RBFOX1: variants seen among roughly 807,000 people sequenced by gnomAD.
RBFOX1 encodes the protein RNA binding fox-1 homolog 1, also known as RNA binding protein fox-1 homolog 1.
Under a neutral mutation model 57.7 loss-of-function variants are expected in RBFOX1, and 8 were observed. That is an observed-to-expected ratio of 0.14 (90% CI 0.08 to 0.25). RBFOX1 has a LOEUF of 0.25. RBFOX1 is among the 10% of genes least tolerant of loss of function. The pLI is 1.00. For missense variants in RBFOX1, 611 were observed against 548.5 expected (o/e 1.11, Z -1.14); for synonymous variants, 326 against 222.4 (o/e 1.47, Z -4.15).
chr16:5,281,851 G>T (rs2063279138), intron 1 of RBFOX1, among the ~76,000 whole-genome samples: 1 of 152,120 alleles, frequency 6.6e-6, no homozygotes, highest in Non-Finnish European at 1.5e-5. Flanking sequence ...GATGTTGTTG[G>T]ATCATTTTTT....
At chr16:7,660,426 G>T (rs1356974821) in intron 12 of RBFOX1, among the ~76,000 whole-genome samples, 3 of 152,050 alleles carry the variant, frequency 2.0e-5, no homozygotes, top group African/African-American at 7.2e-5. Flanking sequence ...ATCTATAGCT[G>T]CACCGCAGAC....
chr16:6,934,414 G>T (rs957983674), intron 3 of RBFOX1, among the ~76,000 whole-genome samples: 1 of 152,098 alleles, frequency 6.6e-6, no homozygotes, highest in Non-Finnish European at 1.5e-5. Flanking sequence ...TTGAAAGGGA[G>T]ACCTGCCTTT....
chr16:5,278,173 C>G (rs2063187489), intron 1 of RBFOX1, among the ~76,000 whole-genome samples: 1 of 152,052 alleles, frequency 6.6e-6, no homozygotes, highest in East Asian at 1.9e-4. Flanking sequence ...ATTTGTTGTG[C>G]TTTGTCTTTT....
intron 2 of RBFOX1, among the ~76,000 whole-genome samples, chr16:6,476,852 C>T (rs1387074479): frequency 2.0e-5 from 3 of 152,204 alleles, no homozygotes; most frequent in Non-Finnish European, 4.4e-5. Flanking sequence ...TCAAACTTTG[C>T]TACTGCTTAA....
intron 1 of RBFOX1, among the ~76,000 whole-genome samples, chr16:6,099,623 C>G (rs1397107008): frequency 6.6e-6 from 1 of 152,164 alleles, no homozygotes; most frequent in Non-Finnish European, 1.5e-5. Context: ...GGCTGTACAA[C>G]AAGCTGTCAC....
At chr16:7,026,867 T>C (rs1429499013) in intron 3 of RBFOX1, among the ~76,000 whole-genome samples, 3 of 152,236 alleles carry the variant, frequency 2.0e-5, no homozygotes, top group African/African-American at 7.2e-5. Flanking sequence ...ATCTCCTAGT[T>C]GCAAGGGAGG....
chr16:6,777,200 G>C (rs891411066), intron 3 of RBFOX1, among the ~76,000 whole-genome samples: 14 of 152,126 alleles, frequency 9.2e-5, no homozygotes, highest in African/African-American at 3.4e-4. Flanking sequence ...GTGATAATAT[G>C]ATCTAGTACT....
intron 5 of RBFOX1, among the ~76,000 whole-genome samples, chr16:7,524,646 C>T (rs1055042338): frequency 1.3e-5 from 2 of 152,170 alleles, no homozygotes; most frequent in South Asian, 4.1e-4. Flanking sequence ...ATGTGGGTGC[C>T]CCAGCTAGGT....
chr16:5,842,079 A>T (rs1329607545), intron 3 of RBFOX1, among the ~76,000 whole-genome samples: 1 of 152,088 alleles, frequency 6.6e-6, no homozygotes, highest in East Asian at 1.9e-4. Context: ...GCCCTGAATC[A>T]TGGATTTTGT....
At chr16:7,661,569 G>T (rs2067736557) in intron 12 of RBFOX1, among the ~76,000 whole-genome samples, 1 of 152,132 alleles carries the variant, frequency 6.6e-6, no homozygotes, top group Non-Finnish European at 1.5e-5. Flanking sequence ...CACCTCTGTT[G>T]CTGTCTCCTG....
intron 1 of RBFOX1, among the ~76,000 whole-genome samples, chr16:6,277,267 C>T (rs2075897972): frequency 1.3e-5 from 2 of 151,916 alleles, no homozygotes; most frequent in African/African-American, 4.8e-5. Flanking sequence ...TTGAGACCAG[C>T]CTGGGCAACA....
intron 3 of RBFOX1, among the ~76,000 whole-genome samples, chr16:5,824,788 A>G (rs935733248): frequency 6.6e-5 from 10 of 152,196 alleles, no homozygotes; most frequent in African/African-American, 1.7e-4. Context: ...CAGAGGTCTT[A>G]GCAACTCCAG....
chr16:7,550,275 G>A (rs2085934674), intron 5 of RBFOX1, among the ~76,000 whole-genome samples: 1 of 151,484 alleles, frequency 6.6e-6, no homozygotes, highest in Non-Finnish European at 1.5e-5. Flanking sequence ...GCTGGGCTGG[G>A]AAATACCCTT....
Position 5,946,292 on chromosome 16 carries a change from C to T in RBFOX1, c.351+78957C>T, listed in dbSNP as rs2059398609. Among the ~76,000 whole-genome samples, 1 of 152,184 alleles carries T rather than the reference C, an allele frequency of 6.6e-6. No individual in the cohort carries two copies. The highest frequency in any genetic ancestry group is 6.5e-5 in the Admixed American group (1 of 15,284). ...AAAGGGACACAATCATAGGACCTCC[C>T]TCATAGGGTTATTTGAGGCTCAGAC... is the stretch of plus-strand genomic sequence containing the variant. On this transcript the variant is annotated intron_variant, in intron 4 of 19. Coordinates refer to the RBFOX1 transcript ENST00000641259. The surrounding 1 kb of genome is among the most constrained non-coding windows in gnomAD (Gnocchi z 4.6).
At chr16:7,295,116 C>T (rs766751997) in intron 4 of RBFOX1, among the ~76,000 whole-genome samples, 1 of 152,154 alleles carries the variant, frequency 6.6e-6, no homozygotes, top group Non-Finnish European at 1.5e-5. Flanking sequence ...GTGTGAGATA[C>T]AGTTGGTGAA....
intron 4 of RBFOX1, among the ~76,000 whole-genome samples, chr16:7,422,432 T>C (rs1180400504): frequency 6.6e-6 from 1 of 152,178 alleles, no homozygotes; most frequent in Admixed American, 6.5e-5. Context: ...ACCTGCATTA[T>C]TTCGGTTGCC....
chr16:6,753,903 A>C (rs1054445370), intron 3 of RBFOX1, among the ~76,000 whole-genome samples: 4 of 152,030 alleles, frequency 2.6e-5, no homozygotes, highest in African/African-American at 9.7e-5. Context: ...AATCATTCCC[A>C]CCAAGCTGTT....
At position 5,593,879 on chromosome 16, in the gene RBFOX1, G is replaced by A. The variant is rs370323741; in HGVS notation, c.259-5023G>A. On this transcript the variant is annotated intron_variant, in intron 2 of 2. Coordinates refer to the RBFOX1 transcript ENST00000585867. ...AGAACCCTCGTTTGGGGTCTGGATC[G>A]GGACCCCTTTCCTGTAACAGAGGTA... Among the ~76,000 whole-genome samples the A allele has an allele frequency of 3.3e-5, 5 of 152,122 alleles. No individual in the cohort carries two copies. The South Asian group carries it at 8.3e-4, about 25-fold the overall frequency.
chr16:6,164,569 C>T (rs1368797393), intron 1 of RBFOX1, among the ~76,000 whole-genome samples: 3 of 150,986 alleles, frequency 2.0e-5, no homozygotes, highest in Non-Finnish European at 4.4e-5. Flanking sequence ...CAGATTCAAG[C>T]GATTCTCATG....
Sources: allele counts gnomAD v4.1 joint callset (sites outside exome capture counted in the v4.1 genomes callset), GRCh38; gene constraint gnomAD v4.1.1; non-coding constraint Gnocchi (gnomAD v3.1); transcripts MANE v1.5; gene names NCBI Gene and HGNC (gene_info 2026-07-23, HGNC 2026-07-21).